The following SLC23A2 variants were observed in gnomAD, a reference collection of about 807,000 sequenced individuals.
The protein encoded by SLC23A2 is Na(+)/L-ascorbic acid transporter 2.
Under a neutral mutation model 73.3 loss-of-function variants are expected in SLC23A2, and 36 were observed. That is an observed-to-expected ratio of 0.49 (90% confidence interval 0.38 to 0.65). The LOEUF is 0.65. Ranked by LOEUF, SLC23A2 falls within the 30% of genes least tolerant of loss-of-function variation. SLC23A2 has a pLI of 0.00. For synonymous variants in SLC23A2, 343 were observed against 327.3 expected, an observed-to-expected ratio of 1.05 and a Z score of -0.52; for missense variants, 507 against 841.6, an observed-to-expected ratio of 0.60 and a Z score of 4.92.
intron 1 of SLC23A2, among the ~76,000 whole-genome samples, chr20:4,972,015 C>G (rs72552242): frequency 1.3e-5 from 2 of 152,118 alleles, no homozygotes; most frequent in African/African-American, 4.8e-5. Context: ...ACAGATGTTT[C>G]TTTTACTATT....
chr20:4,987,184 A>T (rs1480136545), intron 1 of SLC23A2, among the ~76,000 whole-genome samples: 1 of 152,188 alleles, frequency 6.6e-6, no homozygotes, highest in Non-Finnish European at 1.5e-5. Flanking sequence ...AAGAAAGGAG[A>T]AGGAACAAAA....
intron 15 of SLC23A2, among the ~76,000 whole-genome samples, chr20:4,861,560 G>A: frequency 6.6e-6 from 1 of 152,162 alleles, no homozygotes; most frequent in East Asian, 1.9e-4. Context: ...TTGCTCTGAG[G>A]AGTTAATAGG....
At chr20:4,972,200 T>C (rs890042143) in intron 1 of SLC23A2, among the ~76,000 whole-genome samples, 1 of 152,198 alleles carries the variant, frequency 6.6e-6, no homozygotes, top group Non-Finnish European at 1.5e-5. Context: ...TAGCCAGATT[T>C]TCACTGGAAA....
chr20:4,967,006 G>A (rs895574100), intron 2 of SLC23A2, among the ~76,000 whole-genome samples: 3 of 152,106 alleles, frequency 2.0e-5, no homozygotes, highest in South Asian at 2.1e-4. Context: ...AGATATAAAA[G>A]AGACCAAAGC....
At chr20:4,981,826 T>G (rs2087731252) in intron 1 of SLC23A2, among the ~76,000 whole-genome samples, 1 of 150,990 alleles carries the variant, frequency 6.6e-6, no homozygotes, top group Admixed American at 6.6e-5. Context: ...CTCAGCCTCC[T>G]GAGTAGCTGG....
At chr20:4,891,261 T>C (rs1328492050) in intron 6 of SLC23A2, among the ~76,000 whole-genome samples, 1 of 151,886 alleles carries the variant, frequency 6.6e-6, no homozygotes, top group Admixed American at 6.6e-5. Context: ...AGAAGAAAGG[T>C]TGTAGAAAAC....
chr20:4,991,505 C>T (rs764002264), intron 1 of SLC23A2, among the ~76,000 whole-genome samples: 8 of 152,050 alleles, frequency 5.3e-5, no homozygotes, highest in Non-Finnish European at 7.4e-5. Context: ...AGGTGGATCA[C>T]AAGGTCAGCA....
At chr20:4,931,012 A>G (rs1202694345) in intron 3 of SLC23A2, among the ~76,000 whole-genome samples, 1 of 148,550 alleles carries the variant, frequency 6.7e-6, no homozygotes, top group Non-Finnish European at 1.5e-5. Flanking sequence ...TTCTTAAAAT[A>G]ACTTTTATTT....
At chr20:4,967,845 A>G (rs1209495114) in intron 2 of SLC23A2, among the ~76,000 whole-genome samples, 1 of 152,236 alleles carries the variant, frequency 6.6e-6, no homozygotes, top group African/African-American at 2.4e-5. Flanking sequence ...TGCAGGCTTC[A>G]GGCACCAAGC....
intron 13 of SLC23A2, among the ~76,000 whole-genome samples, chr20:4,865,051 G>C (rs918609001): frequency 6.6e-6 from 1 of 152,346 alleles, no homozygotes; most frequent in African/African-American, 2.4e-5. Flanking sequence ...ACCAGAGATA[G>C]AGCCCTAAAA....
intron 4 of SLC23A2, among the ~76,000 whole-genome samples, chr20:4,904,222 C>T (rs1162183385): frequency 6.6e-6 from 1 of 152,196 alleles, no homozygotes; most frequent in East Asian, 1.9e-4. Flanking sequence ...GCCACATAGG[C>T]AGTCAGCCAT....
At chr20:4,923,421 G>A (rs1932566584) in intron 3 of SLC23A2, among the ~76,000 whole-genome samples, 1 of 152,216 alleles carries the variant, frequency 6.6e-6, no homozygotes, top group East Asian at 1.9e-4. Flanking sequence ...TTTTAAAACA[G>A]AAAAGGGTGC....
At chr20:4,898,169 G>A (rs1931617837) in intron 6 of SLC23A2, among the ~76,000 whole-genome samples, 1 of 152,236 alleles carries the variant, frequency 6.6e-6, no homozygotes, top group Admixed American at 6.5e-5. Flanking sequence ...GCCCCCTGGG[G>A]GGTTTGAGGA....
chr20:4,911,129 G>T (rs1385418140), intron 4 of SLC23A2, among the ~76,000 whole-genome samples: 1 of 152,216 alleles, frequency 6.6e-6, no homozygotes, highest in Admixed American at 6.5e-5. Context: ...TTTGTTACAA[G>T]ATGGACCGTG....
At chr20:4,884,144 A>G (rs1931004158) in intron 8 of SLC23A2, among the ~76,000 whole-genome samples, 1 of 152,220 alleles carries the variant, frequency 6.6e-6, no homozygotes, top group Non-Finnish European at 1.5e-5. Context: ...CCAGCCTTAG[A>G]GGAACACTGC....
At chr20:5,007,615 C>G (rs2088205250) in intron 1 of SLC23A2, among the ~76,000 whole-genome samples, 2 of 152,102 alleles carry the variant, frequency 1.3e-5, no homozygotes. Context: ...GTACAAGTAC[C>G]ACTAATTTTA....
Position 4,859,244 on chromosome 20 carries a change from T to TAAA in SLC23A2, c.1720+42_1720+44dup, listed in dbSNP as rs66936551. 4.4e-5 allele frequency: 49 copies of TAAA among 1,115,976 alleles called. 1 individual carries two copies. Among genetic ancestry groups the TAAA allele is most frequent in the African/African-American group, 1.1e-4 (6 of 53,854 alleles). The allele number at this position is 1,115,976 out of a possible 1,614,324, so 69.1% of individuals were successfully genotyped here. ...TTGGCAAAAAAAGTAACACATATGT[T>TAAA]AAAAAATAAAAAAAAAAAAAGTGTG... On this transcript the variant is annotated intron_variant, in intron 16 of 16. Transcript: ENST00000338244.
intron 13 of SLC23A2, among the ~76,000 whole-genome samples, chr20:4,866,664 A>ATG (rs1930212900): frequency 6.6e-6 from 1 of 152,230 alleles, no homozygotes; most frequent in Non-Finnish European, 1.5e-5. Flanking sequence ...CAAACCAGGC[A>ATG]TGTGTGTGCC....
At chr20:4,923,427 G>T (rs186981559) in intron 3 of SLC23A2, among the ~76,000 whole-genome samples, 22 of 152,206 alleles carry the variant, frequency 1.4e-4, no homozygotes, top group African/African-American at 5.3e-4. Flanking sequence ...AACAGAAAAG[G>T]GTGCTCATCT....
Sources: gnomAD v4.1 joint callset for allele counts (sites outside exome capture counted in the v4.1 genomes callset) on GRCh38, gnomAD v4.1.1 for gene constraint, MANE v1.5 for transcripts, NCBI Gene and HGNC (gene_info 2026-07-23, HGNC 2026-07-21) for gene names.